Variants in CSMD3 observed in about 807,000 individuals in gnomAD.
The protein encoded by CSMD3 is CUB and Sushi multiple domains 3, also known as CUB and sushi domain-containing protein 3.
A neutral mutation model predicts 435.2 loss-of-function variants in CSMD3; 177 were observed. The ratio of observed to expected loss-of-function variants is 0.41; its 90% confidence interval spans 0.36 to 0.46. CSMD3 has a LOEUF of 0.46. CSMD3 is among the 20% of genes least tolerant of loss of function. The pLI, the probability that CSMD3 is intolerant of heterozygous loss-of-function variation, is 0.34. For missense variants in CSMD3, 4,265 were observed against 4,504.6 expected, an observed-to-expected ratio of 0.95 and a Z score of 1.52; for synonymous variants, 1,656 against 1,520.5, an observed-to-expected ratio of 1.09 and a Z score of -2.07.
At chr8:113,387,977 G>A (rs1362455641) in intron 1 of CSMD3, among the ~76,000 whole-genome samples, 3 of 151,656 alleles carry the variant, frequency 2.0e-5, no homozygotes, top group African/African-American at 7.2e-5. Context: ...AGAAGAACCA[G>A]AAGCATATTA....
chr8:112,224,993 T>A lies in CSMD3; in HGVS notation c.10965-63A>T, dbSNP rs1014979820. ...TCTTCCAGAAACAGCAGACTACAGC[T>A]CAAACATAATGTACATCGTTAGCAG... is the stretch of plus-strand genomic sequence containing the variant. On this transcript the variant is annotated intron_variant, in intron 70 of 70. Transcript: ENST00000297405. 4 of 1,427,828 alleles carry A rather than the reference T, an allele frequency of 2.8e-6. No individual in the cohort carries two copies. In the Admixed American group the frequency reaches 5.0e-5, roughly 18 times the overall value. The allele number at this position is 1,427,828 out of a possible 1,614,324, so 88.4% of individuals were successfully genotyped here. A position where few individuals can be genotyped will look rare whatever the true frequency, so the allele number is the denominator to read the frequency against.
At chr8:112,341,381 C>A (rs1423976414) in intron 42 of CSMD3, 96 bp downstream of exon 42, 81 of 755,892 alleles carry the variant, frequency 1.1e-4, no homozygotes, top group Non-Finnish European at 1.1e-4. Flanking sequence ...TTTTTTCTTT[C>A]TAAAACAGAA....
intron 10 of CSMD3, among the ~76,000 whole-genome samples, chr8:112,875,660 T>C (rs1056906237): frequency 3.9e-5 from 6 of 152,214 alleles, no homozygotes; most frequent in Non-Finnish European, 8.8e-5. Flanking sequence ...ATGCTTTATT[T>C]CATTAAGTTG....
intron 4 of CSMD3, among the ~76,000 whole-genome samples, chr8:113,162,368 C>T (rs1466340455): frequency 6.6e-6 from 1 of 151,830 alleles, no homozygotes; most frequent in Non-Finnish European, 1.5e-5. Context: ...GAGTTCGAGA[C>T]CAGCCTGACC....
At chr8:113,141,447 G>T (rs1280673748) in intron 4 of CSMD3, among the ~76,000 whole-genome samples, 1 of 150,652 alleles carries the variant, frequency 6.6e-6, no homozygotes. Context: ...AAAAATATTA[G>T]CACATAAACT....
intron 4 of CSMD3, among the ~76,000 whole-genome samples, chr8:113,153,129 A>G (rs201581516): frequency 7.8e-4 from 81 of 103,588 alleles, no homozygotes; most frequent in African/African-American, 1.9e-3. Flanking sequence ...AAGAAAGAGA[A>G]AGAAGGAAGG....
At chr8:113,221,561 C>G (rs573799772) in intron 3 of CSMD3, among the ~76,000 whole-genome samples, 1 of 151,218 alleles carries the variant, frequency 6.6e-6, no homozygotes, top group South Asian at 2.1e-4. Flanking sequence ...CCCAGGTTAT[C>G]TTGCAACTGA....
chr8:112,236,368 C>T (rs1192940228), intron 67 of CSMD3, among the ~76,000 whole-genome samples: 1 of 151,740 alleles, frequency 6.6e-6, no homozygotes. Flanking sequence ...TTATTGAGGC[C>T]TATTTTGTTT....
intron 4 of CSMD3, among the ~76,000 whole-genome samples, chr8:113,146,591 T>C (rs1165608811): frequency 6.6e-6 from 1 of 151,520 alleles, no homozygotes; most frequent in Non-Finnish European, 1.5e-5. Flanking sequence ...GCAAAGAATA[T>C]GCATTACCAA....
intron 31 of CSMD3, among the ~76,000 whole-genome samples, chr8:112,475,062 T>C (rs774692272): frequency 6.6e-5 from 10 of 152,184 alleles, no homozygotes; most frequent in Non-Finnish European, 1.3e-4. Context: ...GAATGGGCAG[T>C]ATGTCTTATG....
At chr8:113,410,203 G>T (rs925238622) in intron 1 of CSMD3, among the ~76,000 whole-genome samples, 3 of 152,046 alleles carry the variant, frequency 2.0e-5, no homozygotes, top group Non-Finnish European at 4.4e-5. Flanking sequence ...ATGTATTTAA[G>T]ATATATTCTA....
chr8:113,432,121 T>C (rs187400358), intron 1 of CSMD3, among the ~76,000 whole-genome samples: 1 of 152,138 alleles, frequency 6.6e-6, no homozygotes, highest in Non-Finnish European at 1.5e-5. Flanking sequence ...ACTCTTCCAA[T>C]GAGGGCGTGA....
At chr8:112,636,309 C>A (rs1343742041) in intron 22 of CSMD3, among the ~76,000 whole-genome samples, 3 of 151,862 alleles carry the variant, frequency 2.0e-5, no homozygotes, top group Non-Finnish European at 2.9e-5. Flanking sequence ...CATTAAGAGC[C>A]CTTAAATTAG....
At chr8:112,955,156 T>C (rs1191174251) in intron 7 of CSMD3, among the ~76,000 whole-genome samples, 4 of 151,660 alleles carry the variant, frequency 2.6e-5, no homozygotes, top group Non-Finnish European at 4.4e-5. Flanking sequence ...ATTTAATAGG[T>C]TTGTTCTTTA....
chr8:112,884,022 G>T (rs1378805241), intron 10 of CSMD3, among the ~76,000 whole-genome samples: 1 of 151,874 alleles, frequency 6.6e-6, no homozygotes, highest in Non-Finnish European at 1.5e-5. Context: ...TCACCAGTAA[G>T]TATCTTTGTA....
intron 13 of CSMD3, among the ~76,000 whole-genome samples, chr8:112,710,673 G>A (rs2076591154): frequency 1.3e-5 from 2 of 151,536 alleles, no homozygotes; most frequent in Admixed American, 6.6e-5. Flanking sequence ...AGTGTGAAGG[G>A]AGGCAAAGTC....
intron 5 of CSMD3, among the ~76,000 whole-genome samples, chr8:113,081,327 G>A (rs2069004948): frequency 6.6e-6 from 1 of 152,138 alleles, no homozygotes; most frequent in Non-Finnish European, 1.5e-5. Flanking sequence ...GGTGGTAGTT[G>A]ACAAATTCTC....
At chr8:112,351,344 G>A in intron 39 of CSMD3, 100 bp from the exon 40 acceptor site, 2 of 792,956 alleles carry the variant, frequency 2.5e-6, no homozygotes, top group South Asian at 1.5e-5. Flanking sequence ...TTAAGTACAT[G>A]GCTTTATTTT....
chr8:112,975,800 G>A (rs369472849), intron 7 of CSMD3, 37 bp downstream of exon 7: 244 of 1,611,432 alleles, frequency 1.5e-4, no homozygotes, highest in Non-Finnish European at 2.0e-4. Context: ...AGCTTTGGCT[G>A]TAACTAAATG....
Sources: allele counts gnomAD v4.1 joint callset (sites outside exome capture counted in the v4.1 genomes callset), GRCh38; gene constraint gnomAD v4.1.1; transcripts MANE v1.5; gene names NCBI Gene and HGNC (gene_info 2026-07-23, HGNC 2026-07-21).